Variants in COBLL1 observed in about 807,000 individuals in gnomAD.
COBLL1 encodes cordon-bleu WH2 repeat protein like 1, also known as cordon-bleu protein-like 1.
In COBLL1, 50 loss-of-function variants were observed where a neutral mutation model predicts 94.8. The ratio of observed to expected loss-of-function variants is 0.53; its 90% CI spans 0.42 to 0.67. The LOEUF (loss-of-function observed/expected upper bound fraction) is 0.67, where lower values mean the gene tolerates loss of function less well. COBLL1 is among the 30% of genes least tolerant of loss of function. The probability of loss-of-function intolerance (pLI) is 0.00; values close to 1 mark genes in which losing one functional copy is unlikely to be tolerated. For missense variants in COBLL1, 1,362 were observed against 1,348.7 expected, an observed-to-expected ratio of 1.01 and a Z score of -0.15; for synonymous variants, 448 against 473.8, an observed-to-expected ratio of 0.95 and a Z score of 0.71.
chr2:164,704,365 A>G (rs1219695464), intron 9 of COBLL1, 79 bp downstream of exon 9: 3 of 936,890 alleles, frequency 3.2e-6, no homozygotes, highest in Non-Finnish European at 5.2e-6. Context: ...TGTACAAAGC[A>G]TCGCAAATGG....
At chr2:164,787,952 G>A (rs1682953548) in intron 2 of COBLL1, among the ~76,000 whole-genome samples, 1 of 152,100 alleles carries the variant, frequency 6.6e-6, no homozygotes, top group Non-Finnish European at 1.5e-5. Flanking sequence ...GAAAATGTGG[G>A]AAGCTCTTTA....
chr2:164,683,748 CCACT>C lies in COBLL1; in HGVS notation c.*2194_*2197del, dbSNP rs1683151631. The C allele has an allele frequency of 6.6e-6, 1 of 152,058 alleles. No homozygotes were observed. The highest frequency in any genetic ancestry group is 1.5e-5 in the Non-Finnish European group (1 of 67,998). 9.4% of individuals were successfully genotyped at this position (152,058 alleles called of 1,614,324 possible). A position where few individuals can be genotyped will look rare whatever the true frequency, so the allele number is the denominator to read the frequency against. ...ATTTCATAAAACACGACTTGTTCCA[CCACT>C]CACTCTTGTCACTTGTTTTTGAGAT... On this transcript the variant is annotated 3_prime_UTR_variant, in exon 14 of 14. Coordinates refer to ENST00000652658, the MANE Select transcript of COBLL1 (RefSeq NM_001365672.2).
intron 2 of COBLL1, among the ~76,000 whole-genome samples, chr2:164,833,971 G>T (rs1454906294): frequency 6.6e-6 from 1 of 152,102 alleles, no homozygotes; most frequent in Admixed American, 6.6e-5. Flanking sequence ...TATGAAGTTT[G>T]TATTCAAAAC....
chr2:164,796,638 C>A (rs1683471239), intron 2 of COBLL1, among the ~76,000 whole-genome samples: 2 of 141,874 alleles, frequency 1.4e-5, no homozygotes, highest in South Asian at 4.4e-4. Context: ...CTTTAAAAAT[C>A]TGTTCAGGCA....
intron 2 of COBLL1, among the ~76,000 whole-genome samples, chr2:164,814,377 T>G (rs770806403): frequency 4.3e-4 from 65 of 152,280 alleles, no homozygotes; most frequent in Admixed American, 3.5e-3. Context: ...TTCTTATATA[T>G]AAAATTAAAG....
intron 2 of COBLL1, among the ~76,000 whole-genome samples, chr2:164,788,581 T>G (rs1683004660): frequency 6.6e-6 from 1 of 152,128 alleles, no homozygotes; most frequent in Non-Finnish European, 1.5e-5. Flanking sequence ...TAGTGACATG[T>G]TTGGTAAAAG....
intron 2 of COBLL1, among the ~76,000 whole-genome samples, chr2:164,839,697 C>T (rs1309390603): frequency 2.0e-5 from 3 of 152,254 alleles, no homozygotes; most frequent in South Asian, 2.1e-4. Context: ...GAATACATTT[C>T]GGTATCCTGA....
chr2:164,783,408 C>A (rs1406509118), intron 2 of COBLL1, among the ~76,000 whole-genome samples: 1 of 134,698 alleles, frequency 7.4e-6, no homozygotes, highest in Non-Finnish European at 1.7e-5. Flanking sequence ...AGAGTAAGAC[C>A]CTGTTGAGAA....
intron 2 of COBLL1, among the ~76,000 whole-genome samples, chr2:164,780,914 G>C (rs972629082): frequency 6.6e-6 from 1 of 152,140 alleles, no homozygotes; most frequent in Non-Finnish European, 1.5e-5. Context: ...GTTCCACTAA[G>C]TCAACTTTAG....
downstream of COBLL1, among the ~76,000 whole-genome samples, chr2:164,679,406 T>C (rs1682943943): frequency 6.6e-6 from 1 of 152,080 alleles, no homozygotes; most frequent in Non-Finnish European, 1.5e-5. Flanking sequence ...AGAAACGTAA[T>C]TTATGAGGTA....
chr2:164,669,666 A>T (rs568174746), intron 1 of COBLL1, among the ~76,000 whole-genome samples: 1 of 152,338 alleles, frequency 6.6e-6, no homozygotes, highest in African/African-American at 2.4e-5. Context: ...TTCTAAAAGG[A>T]TAGGCCATCT....
intron 2 of COBLL1, among the ~76,000 whole-genome samples, chr2:164,776,598 C>T (rs1007429144): frequency 5.9e-5 from 9 of 151,548 alleles, no homozygotes; most frequent in African/African-American, 2.2e-4. Flanking sequence ...TCTGTCTGCC[C>T]CCTCCCCGCC....
chr2:164,676,310 C>T (rs1158611927), downstream of COBLL1, among the ~76,000 whole-genome samples: 2 of 152,006 alleles, frequency 1.3e-5, no homozygotes, highest in Admixed American at 6.6e-5. Flanking sequence ...ACACACACAA[C>T]TTGGATAATA....
At chr2:164,809,029 T>C (rs1220022495) in intron 2 of COBLL1, among the ~76,000 whole-genome samples, 2 of 152,148 alleles carry the variant, frequency 1.3e-5, no homozygotes, top group African/African-American at 2.4e-5. Flanking sequence ...ATCACCAGAC[T>C]GTCATCCTCA....
intron 2 of COBLL1, among the ~76,000 whole-genome samples, chr2:164,818,348 A>G (rs561223491): frequency 2.3e-4 from 35 of 149,474 alleles, no homozygotes; most frequent in Admixed American, 8.7e-4. Flanking sequence ...ATATATACAT[A>G]TGTGCATATA....
chr2:164,695,454 A>C lies in COBLL1; in HGVS notation c.1938T>G (p.Ser646Arg), dbSNP rs910827222. 1 of 1,613,910 alleles carries C rather than the reference A, an allele frequency of 6.2e-7. No individual in the cohort carries two copies. The highest frequency in any genetic ancestry group is 8.5e-7 in the Non-Finnish European group (1 of 1,179,924). ...NNISTQHSCLSSQDSVNTSRE... is the reference protein window; with the variant it reads ...NNISTQHSCLRSQDSVNTSRE... Reference sequence around the variant, plus strand: ...TTGAGGTATTTACAGAATCTTGTGAACTTAAGCATGAGTGTTGAGTTGATA... The same window carrying C: ...TTGAGGTATTTACAGAATCTTGTGACCTTAAGCATGAGTGTTGAGTTGATA... Residue 646 changes from serine (S) to arginine (R), a missense_variant, in exon 12 of 14, where the codon AGT (serine) becomes AGG (arginine). Physicochemically the swap from Ser to Arg is moderately radical, Grantham distance 110 (BLOSUM62 -1). Coordinates refer to ENST00000652658, the MANE Select transcript of COBLL1 (RefSeq NM_001365672.2).
intron 7 of COBLL1, among the ~76,000 whole-genome samples, chr2:164,707,788 T>C (rs1684681892): frequency 6.6e-6 from 1 of 152,200 alleles, no homozygotes; most frequent in Non-Finnish European, 1.5e-5. Context: ...GCTTGGGGCA[T>C]TCTAGTCTTA....
At chr2:164,790,292 C>T (rs561951928) in intron 2 of COBLL1, among the ~76,000 whole-genome samples, 131 of 152,076 alleles carry the variant, frequency 8.6e-4, no homozygotes, top group Non-Finnish European at 1.6e-3. Flanking sequence ...GGGACGGCAT[C>T]CTATCTAGGA....
At chr2:164,714,387 A>AAC (rs1685061118) in intron 7 of COBLL1, among the ~76,000 whole-genome samples, 1 of 151,880 alleles carries the variant, frequency 6.6e-6, no homozygotes, top group Non-Finnish European at 1.5e-5. Flanking sequence ...AAAAAAAAAA[A>AAC]AACCAGGATG....
Sources: gnomAD v4.1 joint callset for allele counts (sites outside exome capture counted in the v4.1 genomes callset) on GRCh38, gnomAD v4.1.1 for gene constraint, MANE v1.5 for transcripts, NCBI Gene and HGNC (gene_info 2026-07-23, HGNC 2026-07-21) for gene names.